PLD5: variants seen among roughly 807,000 people sequenced by gnomAD.
The protein encoded by PLD5 is phospholipase D family member 5, also known as inactive phospholipase D5.
PLD5 carries 36 observed loss-of-function variants against 61.1 expected under a neutral mutation model. The observed-to-expected ratio is 0.59, with a 90% confidence interval of 0.45 to 0.78. The LOEUF (loss-of-function observed/expected upper bound fraction) is 0.78, where lower values mean the gene tolerates loss of function less well. Among genes scored for constraint, PLD5 ranks in the 30% least tolerant of loss-of-function variants. PLD5 has a pLI of 0.00. For missense variants in PLD5, 515 were observed against 644.4 expected (o/e 0.80, Z 2.17); for synonymous variants, 243 against 242.8 (o/e 1.00, Z -0.01).
intron 6 of PLD5, among the ~76,000 whole-genome samples, chr1:242,120,517 A>C (rs1380860961): frequency 6.6e-6 from 1 of 152,114 alleles, no homozygotes; most frequent in East Asian, 1.9e-4. Context: ...AAGGCTGTTA[A>C]ACTAATTTAC....
At chr1:242,163,350 A>G in intron 5 of PLD5, among the ~76,000 whole-genome samples, 1 of 151,994 alleles carries the variant, frequency 6.6e-6, no homozygotes, top group Non-Finnish European at 1.5e-5. Context: ...TCACTGTGTT[A>G]GCCAGGATGG....
At chr1:242,530,419 A>G in the PLD5 span, among the ~76,000 whole-genome samples, 2 of 152,244 alleles carry the variant, frequency 1.3e-5, no homozygotes, top group Non-Finnish European at 2.9e-5. Flanking sequence ...AGTAGAAAAT[A>G]GGATAGTTGA....
chr1:242,257,575 T>C (rs570536992), intron 4 of PLD5, among the ~76,000 whole-genome samples: 1 of 152,320 alleles, frequency 6.6e-6, no homozygotes, highest in South Asian at 2.1e-4. Flanking sequence ...TAACAGTTAA[T>C]AACAACGTAC....
At chr1:242,310,639 T>C (rs1676644885) in intron 2 of PLD5, among the ~76,000 whole-genome samples, 1 of 152,148 alleles carries the variant, frequency 6.6e-6, no homozygotes, top group Non-Finnish European at 1.5e-5. Context: ...ATAACAAAAA[T>C]CACAATTACT....
At chr1:242,228,332 C>G (rs963064818) in intron 4 of PLD5, among the ~76,000 whole-genome samples, 1 of 152,150 alleles carries the variant, frequency 6.6e-6, no homozygotes, top group Non-Finnish European at 1.5e-5. Flanking sequence ...TTATGTGCAG[C>G]GTATACATGC....
chr1:242,304,253 G>T (rs1319338556), intron 2 of PLD5, among the ~76,000 whole-genome samples: 1 of 152,226 alleles, frequency 6.6e-6, no homozygotes, highest in Non-Finnish European at 1.5e-5. Flanking sequence ...TGCAAGGACT[G>T]TAAATCATAA....
intron 9 of PLD5, among the ~76,000 whole-genome samples, chr1:242,095,079 G>A (rs185474535): frequency 3.3e-5 from 5 of 152,174 alleles, no homozygotes; most frequent in East Asian, 3.9e-4. Context: ...TGGGACTACA[G>A]GTGCCCGCCA....
rs1660381099 is a variant in PLD5 at position 242,097,984 on chromosome 1, C to A, written c.1354+2684G>T. Among the ~76,000 whole-genome samples, 4 of 152,190 alleles carry A rather than the reference C, an allele frequency of 2.6e-5. No individual in the cohort carries two copies. The South Asian group carries it at 8.3e-4, about 32-fold the overall frequency. On this transcript the variant is annotated intron_variant, in intron 9 of 9. Coordinates refer to ENST00000536534, the MANE Select transcript of PLD5 (RefSeq NM_001372062.1). ...ACATATGGCTAGCCAGTTTTCCCAG[C>A]ACCATTTATTAAATAGGGAATCCTT...
intron 4 of PLD5, among the ~76,000 whole-genome samples, chr1:242,240,231 C>T (rs190535812): frequency 3.3e-5 from 5 of 152,336 alleles, no homozygotes; most frequent in East Asian, 1.9e-4. Flanking sequence ...TCCCCAGACA[C>T]GCATTACCTT....
At chr1:242,530,287 A>G in the PLD5 span, among the ~76,000 whole-genome samples, 1 of 152,206 alleles carries the variant, frequency 6.6e-6, no homozygotes, top group Admixed American at 6.5e-5. Context: ...AAGATGCTTT[A>G]CCTAATTGAA....
chr1:242,310,851 C>T (rs1676657353), intron 2 of PLD5, among the ~76,000 whole-genome samples: 1 of 152,106 alleles, frequency 6.6e-6, no homozygotes, highest in African/African-American at 2.4e-5. Context: ...CATTGCTTTT[C>T]AAGGTAGCAA....
At chr1:242,498,896 A>C (rs1668462791) in intron 1 of PLD5, among the ~76,000 whole-genome samples, 1 of 152,236 alleles carries the variant, frequency 6.6e-6, no homozygotes, top group Non-Finnish European at 1.5e-5. Context: ...TTCTCAAAGA[A>C]AATTTTTATG....
chr1:242,207,773 T>A (rs1418490073), intron 5 of PLD5, among the ~76,000 whole-genome samples: 4 of 111,810 alleles, frequency 3.6e-5, no homozygotes, highest in African/African-American at 1.9e-4. Flanking sequence ...TTTATATATA[T>A]TTATATATAT....
chr1:242,177,561 A>G (rs916110955), intron 5 of PLD5, among the ~76,000 whole-genome samples: 2 of 152,110 alleles, frequency 1.3e-5, no homozygotes, highest in Non-Finnish European at 2.9e-5. Context: ...ACTTATAAAA[A>G]TAAAAAAAAT....
At chr1:242,364,822 C>T (rs1202553545) in intron 1 of PLD5, among the ~76,000 whole-genome samples, 7 of 151,884 alleles carry the variant, frequency 4.6e-5, no homozygotes, top group Admixed American at 4.6e-4. Context: ...AAATTAAACT[C>T]AAGTAGACAA....
intron 7 of PLD5, among the ~76,000 whole-genome samples, chr1:242,108,988 G>C (rs1661275719): frequency 6.6e-6 from 1 of 152,176 alleles, no homozygotes; most frequent in East Asian, 1.9e-4. Context: ...CCTTCCTCTT[G>C]CTCTTGGCAA....
intron 2 of PLD5, among the ~76,000 whole-genome samples, chr1:242,330,783 C>G (rs1314905493): frequency 1.3e-5 from 2 of 152,134 alleles, no homozygotes; most frequent in Non-Finnish European, 2.9e-5. Context: ...TACATCATCA[C>G]CTATCTCAAT....
chr1:242,400,081 C>A (rs1329900507), intron 1 of PLD5, among the ~76,000 whole-genome samples: 1 of 151,938 alleles, frequency 6.6e-6, no homozygotes, highest in African/African-American at 2.4e-5. Flanking sequence ...GGCAGGAGAA[C>A]CACTTAAACC....
intron 1 of PLD5, among the ~76,000 whole-genome samples, chr1:242,384,950 C>T (rs750481443): frequency 4.6e-5 from 7 of 152,068 alleles, no homozygotes; most frequent in South Asian, 2.1e-4. Flanking sequence ...GGACACATGG[C>T]GAATTCTGAG....
Sources: gnomAD v4.1 joint callset for allele counts (sites outside exome capture counted in the v4.1 genomes callset) on GRCh38, gnomAD v4.1.1 for gene constraint, MANE v1.5 for transcripts, NCBI Gene and HGNC (gene_info 2026-07-23, HGNC 2026-07-21) for gene names.